Variants in ST6GALNAC3 observed in about 807,000 individuals in gnomAD.
ST6GALNAC3 encodes ST6 N-acetylgalactosaminide alpha-2,6-sialyltransferase 3, also known as alpha-N-acetylgalactosaminide alpha-2,6-sialyltransferase 3.
In ST6GALNAC3, 25 loss-of-function variants were observed where a neutral mutation model predicts 32.7. The observed-to-expected ratio is 0.76, with a 90% CI of 0.56 to 1.07. The LOEUF is 1.07. Ranked by LOEUF, ST6GALNAC3 falls within the 50% of genes least tolerant of loss-of-function variation. The pLI, the probability that ST6GALNAC3 is intolerant of heterozygous loss-of-function variation, is 0.00. For synonymous variants in ST6GALNAC3, 129 were observed against 133.1 expected (o/e 0.97, Z 0.21); for missense variants, 355 against 382.4 (o/e 0.93, Z 0.60).
Position 76,139,896 on chromosome 1 carries a change from G to A in ST6GALNAC3, c.18+65012G>A, listed in dbSNP as rs187300106. Among the ~76,000 whole-genome samples, 347 of 152,310 alleles carry A rather than the reference G, an allele frequency of 2.3e-3. 2 individuals carry two copies. Among genetic ancestry groups the A allele is most frequent in the Non-Finnish European group, 3.6e-3 (244 of 68,020 alleles). Reference sequence around the variant, plus strand: ...GACTGAGGAAGTTCAAAGTAGAATAGGATGGGGATGACACATGAATAAGCT... The same window carrying A: ...GACTGAGGAAGTTCAAAGTAGAATAAGATGGGGATGACACATGAATAAGCT... On this transcript the variant is annotated intron_variant, in intron 1 of 4. Coordinates refer to ENST00000328299, the MANE Select transcript of ST6GALNAC3 (RefSeq NM_152996.4).
chr1:76,424,814 T>C (rs1291458879), intron 3 of ST6GALNAC3, among the ~76,000 whole-genome samples: 3 of 151,964 alleles, frequency 2.0e-5, no homozygotes, highest in Non-Finnish European at 4.4e-5. Context: ...AATCAGTGTA[T>C]ACCTGATTTT....
Position 76,521,835 on chromosome 1 carries a change from G to A in ST6GALNAC3, c.624-105617G>A, listed in dbSNP as rs1171821560. 6.6e-5 allele frequency among the ~76,000 whole-genome samples: 10 copies of A among 152,092 alleles called. No homozygotes were observed. In the East Asian group the frequency reaches 1.4e-3, roughly 21 times the overall value. On this transcript the variant is annotated intron_variant, in intron 3 of 4. Transcript: ENST00000328299. The stretch of plus-strand genomic sequence containing the variant: ...TGTAATCCTAGCACTTTGGGAGGCC[G>A]AGGCAGGTGGATTGCCTGAGCTCAG...
At chr1:76,093,914 G>A (rs1647085984) in intron 1 of ST6GALNAC3, among the ~76,000 whole-genome samples, 1 of 152,178 alleles carries the variant, frequency 6.6e-6, no homozygotes. Flanking sequence ...CTGCTGCTGT[G>A]GGTTACCTTT....
At chr1:76,363,586 C>A (rs1364426692) in intron 2 of ST6GALNAC3, among the ~76,000 whole-genome samples, 2 of 152,150 alleles carry the variant, frequency 1.3e-5, no homozygotes, top group South Asian at 2.1e-4. Context: ...TATAGCAATG[C>A]CCCATTCTGT....
downstream of ST6GALNAC3, among the ~76,000 whole-genome samples, chr1:76,635,613 C>T (rs545501101): frequency 7.2e-5 from 11 of 152,274 alleles, no homozygotes; most frequent in South Asian, 8.3e-4. Flanking sequence ...ACCAATAACC[C>T]CCCAAATTTC....
intron 3 of ST6GALNAC3, among the ~76,000 whole-genome samples, chr1:76,439,157 G>A (rs981200488): frequency 6.6e-6 from 1 of 152,200 alleles, no homozygotes; most frequent in Non-Finnish European, 1.5e-5. Context: ...CCATGATAAT[G>A]TGGAGACTCT....
chr1:76,253,366 A>G (rs867949227), intron 1 of ST6GALNAC3, among the ~76,000 whole-genome samples: 1 of 152,100 alleles, frequency 6.6e-6, no homozygotes, highest in Admixed American at 6.6e-5. Flanking sequence ...ATACACTATC[A>G]CAATGTCTTT....
chr1:76,605,042 GTT>G (rs1647431581), intron 3 of ST6GALNAC3, among the ~76,000 whole-genome samples: 1 of 151,974 alleles, frequency 6.6e-6, no homozygotes, highest in Non-Finnish European at 1.5e-5. Context: ...GTTATTTCTT[GTT>G]AACATGAAAT....
At chr1:76,479,848 TA>T (rs1345590232) in intron 3 of ST6GALNAC3, among the ~76,000 whole-genome samples, 6 of 151,666 alleles carry the variant, frequency 4.0e-5, no homozygotes, top group African/African-American at 1.5e-4. Flanking sequence ...AATTTACATT[TA>T]AAAAAAGTAA....
At chr1:76,095,814 C>T (rs1647121833) in intron 1 of ST6GALNAC3, among the ~76,000 whole-genome samples, 1 of 152,184 alleles carries the variant, frequency 6.6e-6, no homozygotes, top group African/African-American at 2.4e-5. Context: ...CCCTCATCTC[C>T]ACTCCCTCCA....
chr1:76,151,295 T>C (rs61771338), intron 1 of ST6GALNAC3, among the ~76,000 whole-genome samples: 20,897 of 152,128 alleles, frequency 0.14, 1,601 homozygotes, highest in African/African-American at 0.21. Flanking sequence ...ACGTTAAAAC[T>C]AGGCTTTGTC....
At chr1:76,388,984 A>ATG (rs1187078901) in intron 2 of ST6GALNAC3, among the ~76,000 whole-genome samples, 1 of 121,798 alleles carries the variant, frequency 8.2e-6, no homozygotes, top group African/African-American at 2.9e-5. Flanking sequence ...GTTAGTTGGT[A>ATG]TGGTGTGGTT....
chr1:76,418,316 TC>T (rs1294575163), intron 3 of ST6GALNAC3, among the ~76,000 whole-genome samples: 2 of 152,100 alleles, frequency 1.3e-5, no homozygotes, highest in Non-Finnish European at 2.9e-5. Context: ...AATTTGGGAA[TC>T]CTCTTGTAGG....
chr1:76,268,999 A>G (rs1392139762), intron 1 of ST6GALNAC3, among the ~76,000 whole-genome samples: 3 of 152,022 alleles, frequency 2.0e-5, no homozygotes, highest in African/African-American at 7.3e-5. Flanking sequence ...TTATTGCTGC[A>G]TGGCATTTAA....
chr1:76,197,924 TG>T (rs1654297834), intron 1 of ST6GALNAC3, among the ~76,000 whole-genome samples: 1 of 152,214 alleles, frequency 6.6e-6, no homozygotes, highest in Admixed American at 6.5e-5. Context: ...ACAACTAAAA[TG>T]GTCTCCAGAT....
chr1:76,350,945 C>T (rs1648925836), intron 2 of ST6GALNAC3, among the ~76,000 whole-genome samples: 1 of 152,144 alleles, frequency 6.6e-6, no homozygotes, highest in Non-Finnish European at 1.5e-5. Flanking sequence ...GCATCACATT[C>T]TTCTCTAACT....
intron 3 of ST6GALNAC3, among the ~76,000 whole-genome samples, chr1:76,453,400 G>A (rs1657545470): frequency 6.6e-6 from 1 of 152,030 alleles, no homozygotes; most frequent in Non-Finnish European, 1.5e-5. Context: ...CAGACTTTTT[G>A]ATGTAAGCAT....
chr1:76,386,588 G>T (rs1652112295), intron 2 of ST6GALNAC3, among the ~76,000 whole-genome samples: 1 of 152,080 alleles, frequency 6.6e-6, no homozygotes, highest in African/African-American at 2.4e-5. Context: ...CAGGGTAGGG[G>T]CTATTATCTA....
intron 1 of ST6GALNAC3, among the ~76,000 whole-genome samples, chr1:76,273,635 A>G (rs1184728516): frequency 6.6e-6 from 1 of 152,202 alleles, no homozygotes; most frequent in East Asian, 1.9e-4. Flanking sequence ...TTTAATACGT[A>G]AAGTCAGCAA....
Sources: allele counts gnomAD v4.1 joint callset (sites outside exome capture counted in the v4.1 genomes callset), GRCh38; gene constraint gnomAD v4.1.1; transcripts MANE v1.5; gene names NCBI Gene and HGNC (gene_info 2026-07-23, HGNC 2026-07-21).